The following RASA2 variants were observed in gnomAD, a reference collection of about 807,000 sequenced individuals.
The protein encoded by RASA2 is RAS p21 protein activator 2, also known as ras GTPase-activating protein 2.
Under a neutral mutation model 118.2 loss-of-function variants are expected in RASA2, and 155 were observed. That is an observed-to-expected ratio of 1.31 (90% CI 1.15 to 1.50). The LOEUF (loss-of-function observed/expected upper bound fraction) is 1.50. RASA2 is among the 40% of genes most tolerant of loss of function. The probability of loss-of-function intolerance (pLI) is 0.00; values close to 1 mark genes in which losing one functional copy is unlikely to be tolerated. For synonymous variants in RASA2, 353 were observed against 349.1 expected, an observed-to-expected ratio of 1.01 and a Z score of -0.12; for missense variants, 1,016 against 1,009.6, an observed-to-expected ratio of 1.01 and a Z score of -0.09.
chr3:141,608,796 C>T, intron 21 of RASA2, 99 bp downstream of exon 21: 1 of 1,288,814 alleles, frequency 7.8e-7, no homozygotes, highest in Non-Finnish European at 1.1e-6. Context: ...CATACTGATC[C>T]ATGCAACAAC....
intron 1 of RASA2, 64 bp from the exon 2 acceptor site, chr3:141,512,099 A>T: frequency 1.8e-6 from 2 of 1,098,084 alleles, no homozygotes; most frequent in African/African-American, 1.6e-5. Flanking sequence ...AAGTCATCCT[A>T]TATAAGGCTT....
At chr3:141,587,776 A>C (rs2083229180) in intron 19 of RASA2, among the ~76,000 whole-genome samples, 1 of 152,066 alleles carries the variant, frequency 6.6e-6, no homozygotes, top group Non-Finnish European at 1.5e-5. Context: ...TATTTTAGCA[A>C]GAAGAATTTA....
intron 3 of RASA2, among the ~76,000 whole-genome samples, chr3:141,517,692 C>T (rs1004403643): frequency 6.6e-5 from 10 of 152,024 alleles, no homozygotes; most frequent in Non-Finnish European, 8.8e-5. Flanking sequence ...GTCACTCTGT[C>T]GCCCAGGCTG....
chr3:141,608,400 G>T, intron 20 of RASA2, 89 bp from the exon 21 acceptor site: 1 of 1,268,366 alleles, frequency 7.9e-7, no homozygotes, highest in Non-Finnish European at 1.1e-6. Flanking sequence ...CAAGCAACTA[G>T]ATTCCTTTAG....
intron 5 of RASA2, 21 bp downstream of exon 5, chr3:141,540,630 A>G (rs1284555657): frequency 6.4e-7 from 1 of 1,568,204 alleles, no homozygotes; most frequent in African/African-American, 1.4e-5. Context: ...TTTTTAACCA[A>G]AATCAACTAG....
chr3:141,591,882 CTT>C (rs898801365), intron 19 of RASA2, among the ~76,000 whole-genome samples: 2 of 146,680 alleles, frequency 1.4e-5, no homozygotes, highest in South Asian at 2.2e-4. Flanking sequence ...GGCTCTGCAG[CTT>C]TTTTTTTTTC....
intron 5 of RASA2, among the ~76,000 whole-genome samples, chr3:141,545,224 T>C (rs558029505): frequency 6.6e-6 from 1 of 152,308 alleles, no homozygotes; most frequent in East Asian, 1.9e-4. Flanking sequence ...CATGTCATCT[T>C]GGTGTTAGTG....
At chr3:141,506,202 C>T (rs191753970) in intron 1 of RASA2, among the ~76,000 whole-genome samples, 40 of 152,342 alleles carry the variant, frequency 2.6e-4, no homozygotes, top group South Asian at 4.1e-4. Flanking sequence ...TGAATGTCAA[C>T]CTCCTTTCTT....
At position 141,577,067 on chromosome 3, in the gene RASA2, A is replaced by G; in HGVS notation, c.1551A>G (p.Val517=). 6.2e-7 allele frequency: 1 copy of G among 1,611,250 alleles called. No individual in the cohort carries two copies. Reference sequence around the variant, plus strand: ...TTCTTCGTTTCTTTGCTGTAGCCGTAGTATCACCTCATACTTTTCATTTGC... The same window carrying G: ...TTCTTCGTTTCTTTGCTGTAGCCGTGGTATCACCTCATACTTTTCATTTGC... ...FVFLRFFAVA[V]VSPHTFHLRP... Residue 517 remains valine, a synonymous_variant, in exon 15 of 24, where the codon GTA becomes GTG. Transcript: ENST00000286364.
intron 1 of RASA2, among the ~76,000 whole-genome samples, chr3:141,504,766 C>T (rs1019464815): frequency 6.6e-6 from 1 of 152,100 alleles, no homozygotes; most frequent in Non-Finnish European, 1.5e-5. Flanking sequence ...AAGACTTTCC[C>T]GTGCCTGTAA....
chr3:141,487,241 A>G (rs890857960), intron 1 of RASA2, 25 bp downstream of exon 1: 1 of 1,320,120 alleles, frequency 7.6e-7, no homozygotes, highest in Non-Finnish European at 9.7e-7. Flanking sequence ...GGCTGAGGGG[A>G]CGCCCTGGCG....
intron 1 of RASA2, among the ~76,000 whole-genome samples, chr3:141,495,471 A>C (rs980163558): frequency 4.6e-5 from 7 of 152,246 alleles, no homozygotes; most frequent in African/African-American, 1.7e-4. Context: ...AAGGAAATAC[A>C]AATGTCCAGT....
intron 19 of RASA2, among the ~76,000 whole-genome samples, chr3:141,589,220 T>C (rs2083251525): frequency 6.6e-6 from 1 of 152,232 alleles, no homozygotes; most frequent in African/African-American, 2.4e-5. Flanking sequence ...TGTTCTCACC[T>C]ATGCATAGCA....
chr3:141,543,883 T>C (rs1002738221), intron 5 of RASA2, among the ~76,000 whole-genome samples: 2 of 132,322 alleles, frequency 1.5e-5, no homozygotes, highest in South Asian at 2.2e-4. Context: ...TTTCTTTTTT[T>C]TTTTTTTTTT....
chr3:141,565,566 G>A (rs1206711143), intron 9 of RASA2, among the ~76,000 whole-genome samples: 1 of 152,186 alleles, frequency 6.6e-6, no homozygotes, highest in African/African-American at 2.4e-5. Flanking sequence ...TAAGTCTCAT[G>A]AGATCTGATG....
chr3:141,497,857 G>A (rs994466118), intron 1 of RASA2, among the ~76,000 whole-genome samples: 37 of 150,574 alleles, frequency 2.5e-4, no homozygotes, highest in Non-Finnish European at 4.1e-4. Context: ...GGGTGACAAA[G>A]TGAGACCCTG....
chr3:141,600,969 C>T (rs1577819337), intron 19 of RASA2, among the ~76,000 whole-genome samples: 1 of 152,154 alleles, frequency 6.6e-6, no homozygotes, highest in Non-Finnish European at 1.5e-5. Context: ...ATGGACAGAG[C>T]AGAAAGAAAC....
intron 3 of RASA2, among the ~76,000 whole-genome samples, chr3:141,517,686 C>T (rs2082048174): frequency 6.6e-6 from 1 of 152,092 alleles, no homozygotes; most frequent in Non-Finnish European, 1.5e-5. Flanking sequence ...CGGAGTGTCA[C>T]TCTGTCGCCC....
At position 141,601,248 on chromosome 3, in the gene RASA2, G is replaced by C. The variant is rs1435651358; in HGVS notation, c.1934-6430G>C. Reference sequence around the variant, plus strand: ...TCAAGACCAGCCTGGGCAATATGGTGAAACCCCGTTTGTATTAAAAATACA... The same window carrying C: ...TCAAGACCAGCCTGGGCAATATGGTCAAACCCCGTTTGTATTAAAAATACA... On this transcript the variant is annotated intron_variant, in intron 19 of 23. Transcript: ENST00000286364. Among the ~76,000 whole-genome samples, 6 of 152,098 alleles carry C rather than the reference G, an allele frequency of 3.9e-5. No homozygotes were observed. The East Asian group carries it at 1.2e-3, about 29-fold the overall frequency.
Sources: allele counts gnomAD v4.1 joint callset (sites outside exome capture counted in the v4.1 genomes callset), GRCh38; gene constraint gnomAD v4.1.1; transcripts MANE v1.5; gene names NCBI Gene and HGNC (gene_info 2026-07-23, HGNC 2026-07-21).